Variants in NLRP9 observed in about 807,000 individuals in gnomAD.
NLRP9 encodes the protein NLR family pyrin domain containing 9.
A neutral mutation model predicts 83.1 loss-of-function variants in NLRP9; 88 were observed. The ratio of observed to expected loss-of-function variants is 1.06; its 90% CI spans 0.89 to 1.26. The LOEUF is 1.26. Ranked by LOEUF, NLRP9 falls within the 50% of genes most tolerant of loss-of-function variation. The pLI is 0.00. For synonymous variants in NLRP9, 521 were observed against 447.6 expected, an observed-to-expected ratio of 1.16 and a Z score of -2.07; for missense variants, 1,308 against 1,179.3, an observed-to-expected ratio of 1.11 and a Z score of -1.60.
At position 55,708,921 on chromosome 19, in the gene NLRP9, C is replaced by T. The variant is rs771971158; in HGVS notation, c.2967G>A (p.Val989=). The T allele has an allele frequency of 2.6e-6, 4 of 1,547,526 alleles. No homozygotes were observed. The highest frequency in any genetic ancestry group is 3.5e-6 in the Non-Finnish European group (4 of 1,155,858). ...TTCAGGGTGTTCCCCATCAGAGGAG[C>T]ACACCCCTGATCTTGTATTCCTCGT... ...WIDEEYKIRG[V]LL Residue 989 remains valine, a synonymous_variant, in exon 9 of 9, where the codon GTG becomes GTA. Transcript: ENST00000332836.
intron 3 of NLRP9, among the ~76,000 whole-genome samples, chr19:55,727,035 A>G (rs1290459814): frequency 6.6e-6 from 1 of 152,154 alleles, no homozygotes; most frequent in Admixed American, 6.6e-5. Flanking sequence ...GGTGGATCAC[A>G]TGAGGTCAGG....
intron 3 of NLRP9, 75 bp downstream of exon 3, chr19:55,729,756 T>C: frequency 8.0e-7 from 1 of 1,251,816 alleles, no homozygotes; most frequent in Non-Finnish European, 1.1e-6. Flanking sequence ...TGCATGGGTC[T>C]TCTTCCAAAA....
rs1987569580 is a variant in NLRP9, at chr19:55,708,956, G to A, written c.2932C>T (p.Pro978Ser). The change falls in exon 9 of 9, where the codon CCT becomes TCT. Residue 978 changes from proline (P) to serine (S), a missense_variant. Coordinates refer to ENST00000332836, the MANE Select transcript of NLRP9 (RefSeq NM_176820.4). ...KIPHLTISHG[P>S]WIDEEYKIRG... ...ATCTTGTATTCCTCGTCAATCCAAG[G>A]TCCATGTGAAATGGTCAGATGGGGA... 1 of 1,586,040 alleles carries A rather than the reference G, an allele frequency of 6.3e-7. No individual in the cohort carries two copies. The highest frequency in any genetic ancestry group is 1.8e-5 in the Admixed American group (1 of 54,494).
intron 8 of NLRP9, among the ~76,000 whole-genome samples, chr19:55,710,145 GCT>G (rs1987650343): frequency 6.6e-6 from 1 of 152,246 alleles, no homozygotes; most frequent in Admixed American, 6.5e-5. Flanking sequence ...AGAAATAACT[GCT>G]CTGAATGCTT....
intron 5 of NLRP9, among the ~76,000 whole-genome samples, chr19:55,716,139 C>G (rs1336107415): frequency 6.6e-6 from 1 of 152,020 alleles, no homozygotes; most frequent in East Asian, 1.9e-4. Context: ...CTCACATCCT[C>G]CAAAATGATA....
chr19:55,709,381 TAAA>T (rs36068544), intron 8 of NLRP9: 2 of 151,512 alleles, frequency 1.3e-5, no homozygotes, highest in Non-Finnish European at 2.9e-5. Context: ...TGTGCTTGCT[TAAA>T]AAAAAAAAAC....
At chr19:55,710,783 C>T (rs1251025098) in intron 8 of NLRP9, among the ~76,000 whole-genome samples, 1 of 152,146 alleles carries the variant, frequency 6.6e-6, no homozygotes, top group African/African-American at 2.4e-5. Flanking sequence ...AAACCTCTTT[C>T]CTTTATAAGT....
In NLRP9 at chr19:55,712,467, C is replaced by T; in HGVS notation, c.2625G>A (p.Gln875=). 1 of 1,612,890 alleles carries T rather than the reference C, an allele frequency of 6.2e-7. No individual in the cohort carries two copies. The highest frequency in any genetic ancestry group is 8.5e-7 in the Non-Finnish European group (1 of 1,179,860). Residue 875 remains glutamine, a synonymous_variant, in exon 7 of 9, where the codon CAG becomes CAA. Coordinates refer to ENST00000332836, the MANE Select transcript of NLRP9 (RefSeq NM_176820.4). ...GAGGATGCTGCAAAGCTGCACATAA[C>T]TGTCTGACACCAGTGTCTCCTATTT... is the stretch of plus-strand genomic sequence containing the variant. The part of the protein sequence containing the change: ...HNEIGDTGVR[Q]LCAALQHPHC...
chr19:55,724,963 G>T (rs1444654970), intron 3 of NLRP9, among the ~76,000 whole-genome samples: 2 of 152,138 alleles, frequency 1.3e-5, no homozygotes, highest in Non-Finnish European at 2.9e-5. Context: ...AGAGGCTGAG[G>T]TAGGAAAATC....
At chr19:55,734,915 G>A (rs574658422) in intron 1 of NLRP9, among the ~76,000 whole-genome samples, 4 of 152,232 alleles carry the variant, frequency 2.6e-5, no homozygotes, top group Non-Finnish European at 2.9e-5. Context: ...GATTACAGGC[G>A]TAAGCCACCA....
rs536196210 is a variant in NLRP9 at position 55,709,823 on chromosome 19, C to T, written c.2844-779G>A. The T allele has an allele frequency of 9.2e-5, 14 of 152,248 alleles. No individual in the cohort carries two copies. In the South Asian group the frequency reaches 2.9e-3, roughly 32 times the overall value. 9.4% of individuals were successfully genotyped at this position (152,248 alleles called of 1,614,324 possible). On this transcript the variant is annotated intron_variant, in intron 8 of 8. Transcript: ENST00000332836. ...TCTCTTTATAACTTCTAAATGTTCT[C>T]AGCATCAGGAAAATATAAAAAATAA...
chr19:55,712,496 T>C lies in NLRP9; in HGVS notation c.2596A>G (p.Asn866Asp). ...CTGACACCAGTGTCTCCTATTTCAT[T>C]ATGCCCAAGTTTCAGGGTCTTCAGT... The part of the protein sequence containing the change: ...GKLKTLKLGH[N>D]EIGDTGVRQL... Residue 866 changes from asparagine (N) to aspartate (D), a missense_variant, in exon 7 of 9, where the codon AAT becomes GAT. Transcript: ENST00000332836. The C allele has an allele frequency of 1.2e-6, 2 of 1,612,786 alleles. No homozygotes were observed. The highest frequency in any genetic ancestry group is 8.5e-7 in the Non-Finnish European group (1 of 1,179,828).
At chr19:55,723,840 G>A in intron 4 of NLRP9, 140 bp downstream of exon 4, 1 of 643,746 alleles carries the variant, frequency 1.6e-6, no homozygotes, top group South Asian at 2.3e-5. Context: ...TTCACCTTAT[G>A]AGAGAGACAG....
intron 4 of NLRP9, among the ~76,000 whole-genome samples, chr19:55,723,772 G>C (rs1200920576): frequency 6.7e-6 from 1 of 148,364 alleles, no homozygotes; most frequent in South Asian, 2.2e-4. Flanking sequence ...GTGAGTACTA[G>C]AGATGGGAAG....
chr19:55,718,301 C>G (rs751888799), intron 4 of NLRP9, among the ~76,000 whole-genome samples: 74 of 152,164 alleles, frequency 4.9e-4, no homozygotes, highest in Non-Finnish European at 9.8e-4. Flanking sequence ...CATCCCCCAA[C>G]CCGACACCCG....
chr19:55,712,015 AG>A, intron 7 of NLRP9, 45 bp from the exon 8 acceptor site: 1 of 1,581,900 alleles, frequency 6.3e-7, no homozygotes. Context: ...AGCTTTGGGT[AG>A]GCTGGAAGGC....
At chr19:55,709,724 T>C (rs1425430946) in intron 8 of NLRP9, 1 of 152,210 alleles carries the variant, frequency 6.6e-6, no homozygotes, top group East Asian at 1.9e-4. Flanking sequence ...TTCCCTTAGC[T>C]TACTGGACAC....
chr19:55,731,672 C>T (rs376244530), intron 2 of NLRP9, among the ~76,000 whole-genome samples: 12 of 149,666 alleles, frequency 8.0e-5, no homozygotes, highest in South Asian at 4.3e-4. Context: ...TGCAGTAGGC[C>T]GAGATCGCGC....
At position 55,733,156 on chromosome 19, in the gene NLRP9, G is replaced by T. The variant is rs371034160; in HGVS notation, c.675C>A (p.Phe225Leu). The change falls in exon 2 of 9, where the codon TTC becomes TTA. Residue 225 changes from phenylalanine (F) to leucine (L), a missense_variant. Physicochemically the swap from Phe to Leu is conservative, Grantham distance 22. Transcript: ENST00000332836. ...DIFSQPERIL[F>L]IMDGFEQLKF... ...TCAGTTGCTCAAAGCCATCCATGAT[G>T]AACAGAATTCTCTCTGGCTGGGAAA... is the stretch of plus-strand genomic sequence containing the variant. 1.2e-6 allele frequency: 2 copies of T among 1,614,128 alleles called. No homozygotes were observed. Among genetic ancestry groups the T allele is most frequent in the Non-Finnish European group, 1.7e-6 (2 of 1,180,028 alleles).
Sources: allele counts gnomAD v4.1 joint callset (sites outside exome capture counted in the v4.1 genomes callset), GRCh38; gene constraint gnomAD v4.1.1; transcripts MANE v1.5; gene names NCBI Gene and HGNC (gene_info 2026-07-23, HGNC 2026-07-21).